Variants in FCHO2 observed in about 807,000 individuals in gnomAD.
The protein encoded by FCHO2 is F-BAR domain only protein 2.
FCHO2 carries 43 observed loss-of-function variants against 114.1 expected under a neutral mutation model. The ratio of observed to expected loss-of-function variants is 0.38; its 90% CI spans 0.30 to 0.49. The LOEUF is 0.49. FCHO2 is among the 20% of genes least tolerant of loss of function. The probability of loss-of-function intolerance (pLI) is 0.97; values close to 1 mark genes in which losing one functional copy is unlikely to be tolerated. For synonymous variants in FCHO2, 293 were observed against 315.2 expected, an observed-to-expected ratio of 0.93 and a Z score of 0.75; for missense variants, 807 against 950.4, an observed-to-expected ratio of 0.85 and a Z score of 1.98.
At chr5:72,986,983 A>G (rs1226984137) in intron 2 of FCHO2, among the ~76,000 whole-genome samples, 2 of 148,516 alleles carry the variant, frequency 1.3e-5, no homozygotes, top group African/African-American at 5.0e-5. Flanking sequence ...GGTTCACACC[A>G]TTCTGCCTCA....
At chr5:72,957,205 T>G (rs1018865051) in intron 1 of FCHO2, among the ~76,000 whole-genome samples, 7 of 151,604 alleles carry the variant, frequency 4.6e-5, no homozygotes, top group Admixed American at 3.9e-4. Context: ...AGGTGTTTTG[T>G]TTTTTAAACA....
chr5:73,055,722 G>A (rs920766095), intron 15 of FCHO2, among the ~76,000 whole-genome samples: 65 of 152,108 alleles, frequency 4.3e-4, no homozygotes, highest in African/African-American at 1.6e-3. Context: ...TGATTCATCA[G>A]TTAAAATTCT....
At chr5:73,073,479 C>T (rs905073451) in intron 19 of FCHO2, among the ~76,000 whole-genome samples, 3 of 152,006 alleles carry the variant, frequency 2.0e-5, no homozygotes, top group African/African-American at 7.2e-5. Context: ...TTCAAAAAGG[C>T]ACCATTTTTT....
intron 1 of FCHO2, among the ~76,000 whole-genome samples, chr5:72,968,056 C>T (rs1200442939): frequency 2.0e-5 from 3 of 151,946 alleles, no homozygotes; most frequent in Non-Finnish European, 4.4e-5. Context: ...TCCCAAGTAG[C>T]TGGGACTACA....
intron 19 of FCHO2, among the ~76,000 whole-genome samples, chr5:73,069,570 C>G (rs1471155659): frequency 6.6e-6 from 1 of 151,798 alleles, no homozygotes; most frequent in Non-Finnish European, 1.5e-5. Flanking sequence ...AGTCTAATGC[C>G]GCTGCTGATC....
At chr5:73,018,765 A>G (rs561381778) in intron 8 of FCHO2, among the ~76,000 whole-genome samples, 173 of 152,278 alleles carry the variant, frequency 1.1e-3, no homozygotes, top group African/African-American at 4.0e-3. Flanking sequence ...AGAATTTCTC[A>G]TTCATTTATA....
chr5:72,966,465 A>T (rs1222147265), intron 1 of FCHO2, among the ~76,000 whole-genome samples: 1 of 152,200 alleles, frequency 6.6e-6, no homozygotes, highest in Non-Finnish European at 1.5e-5. Flanking sequence ...AAAAAATCTT[A>T]AACATGTAAA....
chr5:72,966,830 C>T (rs1752228676), intron 1 of FCHO2, among the ~76,000 whole-genome samples: 1 of 152,206 alleles, frequency 6.6e-6, no homozygotes, highest in African/African-American at 2.4e-5. Flanking sequence ...AAACTGCTGC[C>T]TGTAAAGAGA....
rs1165496975 is a variant in FCHO2 at position 73,050,322 on chromosome 5, T to TTATA, written c.940-1024_940-1023insATAT. Among the ~76,000 whole-genome samples the TTATA allele has an allele frequency of 2.4e-4, 37 of 151,370 alleles. No homozygotes were observed. In the East Asian group the frequency reaches 6.0e-3, roughly 25 times the overall value. On this transcript the variant is annotated intron_variant, in intron 11 of 25. Coordinates refer to ENST00000430046, the MANE Select transcript of FCHO2 (RefSeq NM_138782.3). The stretch of plus-strand genomic sequence containing the variant: ...TTTATTTATTTATTTATTTATTTAT[T>TTATA]TATTTATTTATTTATTTTGACAGAG...
chr5:73,044,768 C>T (rs1303632445), intron 11 of FCHO2, among the ~76,000 whole-genome samples: 1 of 151,316 alleles, frequency 6.6e-6, no homozygotes, highest in African/African-American at 2.4e-5. Flanking sequence ...CTCTTGAGCT[C>T]CATTCTGGTA....
In FCHO2 at chr5:73,004,138, A is replaced by G. The variant is rs1033391152; in HGVS notation, c.496-2307A>G. ...ACTCACTGAAAATACAGGTATTAGA[A>G]GAACAAACTAAAATTTATTTGCATT... On this transcript the variant is annotated intron_variant, in intron 5 of 25. Coordinates refer to ENST00000430046, the MANE Select transcript of FCHO2 (RefSeq NM_138782.3). Among the ~76,000 whole-genome samples the G allele has an allele frequency of 3.9e-4, 60 of 152,190 alleles. 2 individuals carry two copies. The highest frequency in any genetic ancestry group is 1.4e-3 in the African/African-American group (60 of 41,516).
chr5:73,032,997 A>G (rs751059171), intron 8 of FCHO2, among the ~76,000 whole-genome samples: 5 of 152,180 alleles, frequency 3.3e-5, no homozygotes, highest in Non-Finnish European at 5.9e-5. Context: ...GCACATCTCA[A>G]TTTCTTTACC....
At chr5:73,009,593 A>G (rs1192977996) in intron 6 of FCHO2, among the ~76,000 whole-genome samples, 2 of 152,018 alleles carry the variant, frequency 1.3e-5, no homozygotes, top group African/African-American at 4.8e-5. Context: ...CTCGAGTGCA[A>G]TGGCACGATC....
rs1269837665 is a variant in FCHO2, at chr5:72,997,048, TATC to T, written c.495+6188_495+6190del. ...TTCAGCACCAAACTGTTCGATATGA[TATC>T]ATCCCCTTATCTTCTTGTCCTGGAA... On this transcript the variant is annotated intron_variant, in intron 5 of 25. Coordinates refer to ENST00000430046, the MANE Select transcript of FCHO2 (RefSeq NM_138782.3). The T allele has an allele frequency of 2.3e-6, 3 of 1,326,070 alleles. No homozygotes were observed. The African/African-American group carries it at 4.3e-5, about 19-fold the overall frequency. 82.1% of individuals were successfully genotyped at this position (1,326,070 alleles called of 1,614,324 possible). A position where few individuals can be genotyped will look rare whatever the true frequency, so the allele number is the denominator to read the frequency against.
rs1743373761 is a variant in FCHO2, at chr5:73,088,180, A to C, written c.*90A>C. The C allele has an allele frequency of 1.3e-6, 2 of 1,536,284 alleles. No individual in the cohort carries two copies. Among genetic ancestry groups the C allele is most frequent in the African/African-American group, 2.7e-5 (2 of 73,390 alleles). On this transcript the variant is annotated 3_prime_UTR_variant, in exon 26 of 26. Coordinates refer to ENST00000430046, the MANE Select transcript of FCHO2 (RefSeq NM_138782.3). ...TCCAAACACTATTTTAACTTGTATGATGTCTTTCAAACTTAGACATATTTG... is the reference window on the plus strand; with the variant it reads ...TCCAAACACTATTTTAACTTGTATGCTGTCTTTCAAACTTAGACATATTTG...
intron 6 of FCHO2, among the ~76,000 whole-genome samples, chr5:73,011,250 A>G (rs1754995551): frequency 6.6e-6 from 1 of 152,188 alleles, no homozygotes; most frequent in Non-Finnish European, 1.5e-5. Context: ...CTGTAGATTT[A>G]GGTTACATTA....
chr5:72,964,967 C>T (rs1297007079), intron 1 of FCHO2, among the ~76,000 whole-genome samples: 2 of 151,850 alleles, frequency 1.3e-5, no homozygotes, highest in Admixed American at 6.6e-5. Context: ...ACCCTTCCTG[C>T]CCATTAATCA....
chr5:73,014,492 G>A (rs1177813962), intron 6 of FCHO2, among the ~76,000 whole-genome samples: 3 of 151,666 alleles, frequency 2.0e-5, no homozygotes, highest in African/African-American at 4.8e-5. Flanking sequence ...GTTTCACCAC[G>A]TTTGTCAGGC....
At chr5:73,062,159 C>A (rs1205190277) in intron 17 of FCHO2, among the ~76,000 whole-genome samples, 2 of 152,042 alleles carry the variant, frequency 1.3e-5, no homozygotes, top group Admixed American at 6.6e-5. Flanking sequence ...AAAAATAAAA[C>A]ACAGGACACT....
Sources: gnomAD v4.1 joint callset for allele counts (sites outside exome capture counted in the v4.1 genomes callset) on GRCh38, gnomAD v4.1.1 for gene constraint, MANE v1.5 for transcripts, NCBI Gene and HGNC (gene_info 2026-07-23, HGNC 2026-07-21) for gene names.